Variants in UMODL1 observed in about 807,000 individuals in gnomAD.
UMODL1 encodes uromodulin-like 1.
UMODL1 carries 128 observed loss-of-function variants against 136.3 expected under a neutral mutation model. The observed-to-expected ratio is 0.94, with a 90% CI of 0.81 to 1.09. The LOEUF (loss-of-function observed/expected upper bound fraction) is 1.09. Ranked by LOEUF, UMODL1 falls within the 50% of genes least tolerant of loss-of-function variation. The pLI is 0.00. For synonymous variants in UMODL1, 721 were observed against 720.0 expected (o/e 1.00, Z -0.02); for missense variants, 1,766 against 1,725.6 (o/e 1.02, Z -0.41).
intron 2 of UMODL1, among the ~76,000 whole-genome samples, chr21:42,080,083 C>T (rs1180650142): frequency 7.2e-5 from 11 of 152,216 alleles, no homozygotes; most frequent in Admixed American, 5.2e-4. Flanking sequence ...GGTGTGAAGG[C>T]GCCTGTGGTG....
At chr21:42,125,375 G>A (rs1321772700) in intron 17 of UMODL1, among the ~76,000 whole-genome samples, 1 of 152,090 alleles carries the variant, frequency 6.6e-6, no homozygotes, top group East Asian at 1.9e-4. Context: ...GGATTCACGT[G>A]GACGCGTCGG....
chr21:42,111,538 C>T lies in UMODL1; in HGVS notation c.1932C>T (p.Ser644=). 7 of 1,614,086 alleles carry T rather than the reference C, an allele frequency of 4.3e-6. No individual in the cohort carries two copies. The highest frequency in any genetic ancestry group is 5.9e-6 in the Non-Finnish European group (7 of 1,179,982). The change falls in exon 12 of 23, where the codon TCC becomes TCT. Residue 644 remains serine, a synonymous_variant. Transcript: ENST00000408910. ...LQGNSIMEPP[S]WPSPTEDPTG... ...GAAACTCCATCATGGAGCCACCCTC[C>T]TGGCCTTCCCCTACTGAGGACCCCA... is the stretch of plus-strand genomic sequence containing the variant.
rs2067057458 is a variant in UMODL1, at chr21:42,126,505, C to T, written c.3293+15C>T. The T allele has an allele frequency of 5.6e-6, 9 of 1,614,080 alleles. No individual in the cohort carries two copies. In the South Asian group the frequency reaches 9.9e-5, roughly 18 times the overall value. ...CTGGAGTGGGGGTAAGGGAGAAATG[C>T]CCCGGCTGCCCCACAGCCACGTGCC... On this transcript the variant is annotated intron_variant, in intron 18 of 22. Transcript: ENST00000408910.
At chr21:42,121,551 G>A (rs918161074) in intron 16 of UMODL1, among the ~76,000 whole-genome samples, 6 of 152,204 alleles carry the variant, frequency 3.9e-5, no homozygotes, top group African/African-American at 4.8e-5. Context: ...CTGAGCGACC[G>A]TCTTGTGAAA....
In UMODL1 at chr21:42,123,214, G is replaced by C; in HGVS notation, c.3147+64G>C. Reference sequence around the variant, plus strand: ...GCGCAAGGGGCTCTAGGTTACATGGGCCTCGATGTGGGAGGGCCAGGCAAG... The same window carrying C: ...GCGCAAGGGGCTCTAGGTTACATGGCCCTCGATGTGGGAGGGCCAGGCAAG... On this transcript the variant is annotated intron_variant, in intron 17 of 22. Transcript: ENST00000408910. The surrounding 1 kb of genome is among the most constrained non-coding windows in gnomAD (Gnocchi z 4.4). 6.6e-7 allele frequency: 1 copy of C among 1,516,906 alleles called. No individual in the cohort carries two copies. Among genetic ancestry groups the C allele is most frequent in the Non-Finnish European group, 8.9e-7 (1 of 1,123,364 alleles). 94.0% of individuals were successfully genotyped at this position (1,516,906 alleles called of 1,614,324 possible).
At chr21:42,083,382 GGAC>G (rs961248871) in intron 2 of UMODL1, among the ~76,000 whole-genome samples, 121 of 152,256 alleles carry the variant, frequency 7.9e-4, no homozygotes, top group African/African-American at 2.8e-3. Context: ...CACATCCTGT[GGAC>G]GCCCCCACCT....
At chr21:42,101,148 T>G (rs1019075500) in intron 7 of UMODL1, among the ~76,000 whole-genome samples, 18 of 151,772 alleles carry the variant, frequency 1.2e-4, no homozygotes, top group Non-Finnish European at 1.6e-4. Flanking sequence ...TTAAAGGCCT[T>G]GTCTAATTCC....
intron 20 of UMODL1, among the ~76,000 whole-genome samples, chr21:42,129,358 C>T (rs140678028): frequency 6.6e-6 from 1 of 152,124 alleles, no homozygotes; most frequent in South Asian, 2.1e-4. Flanking sequence ...GCTGCAGCAA[C>T]CTTTGGAGAA....
Position 42,127,111 on chromosome 21 carries a change from C to T in UMODL1, c.3399C>T (p.Ala1133=). 1 of 1,614,142 alleles carries T rather than the reference C, an allele frequency of 6.2e-7. No individual in the cohort carries two copies. The highest frequency in any genetic ancestry group is 8.5e-7 in the Non-Finnish European group (1 of 1,180,026). Residue 1133 remains alanine (A), a synonymous_variant, in exon 19 of 23, where the codon GCC becomes GCT. Transcript: ENST00000408910. ...SPIPQNYSVS[A]SDDVRIEVGL... is the part of the protein sequence containing the mutation. ...TACCTCAGAATTATAGCGTGTCTGC[C>T]AGTGACGATGTCAGGATCGAAGTGG...
chr21:42,066,894 G>A (rs1194351158), upstream of UMODL1, among the ~76,000 whole-genome samples: 2 of 152,120 alleles, frequency 1.3e-5, no homozygotes, highest in Non-Finnish European at 2.9e-5. Context: ...CTGGCTTAAC[G>A]GTTATTCAAT....
At chr21:42,127,497 C>A (rs911633589) in intron 19 of UMODL1, among the ~76,000 whole-genome samples, 175 bp from the exon 20 acceptor site, 4 of 152,208 alleles carry the variant, frequency 2.6e-5, no homozygotes, top group African/African-American at 9.6e-5. Context: ...GATTTCCAGG[C>A]GAGTGCTGTC....
intron 13 of UMODL1, among the ~76,000 whole-genome samples, 171 bp downstream of exon 13, chr21:42,114,001 A>G (rs1255838759): frequency 6.6e-6 from 1 of 152,260 alleles, no homozygotes; most frequent in African/African-American, 2.4e-5. Flanking sequence ...ACGGCCAGAC[A>G]GGAGGTGGCT....
At chr21:42,101,477 G>C (rs950909165) in intron 7 of UMODL1, among the ~76,000 whole-genome samples, 2 of 152,204 alleles carry the variant, frequency 1.3e-5, no homozygotes, top group East Asian at 1.9e-4. Flanking sequence ...GAGAGAGCCA[G>C]GGTGGGGCAC....
chr21:42,127,597 G>A (rs1180999678), intron 19 of UMODL1, 75 bp from the exon 20 acceptor site: 21 of 1,473,822 alleles, frequency 1.4e-5, no homozygotes, highest in Middle Eastern at 3.8e-4. Context: ...AGATGTAGTC[G>A]TGAGTAAACT....
Position 42,085,453 on chromosome 21 carries a change from G to A in UMODL1, c.603+41G>A, listed in dbSNP as rs746337312. 1.9e-6 allele frequency: 3 copies of A among 1,612,612 alleles called. No homozygotes were observed. Among genetic ancestry groups the A allele is most frequent in the South Asian group, 1.1e-5 (1 of 91,038 alleles). On this transcript the variant is annotated intron_variant, in intron 4 of 22. Transcript: ENST00000408910. The surrounding 1 kb of genome is among the most constrained non-coding windows in gnomAD (Gnocchi z 4.5). ...GGGGGCTGCCTGCACCCTCCTTGTG[G>A]CAGCTGCTCAGGCAGACCCAGGTAT... is the stretch of plus-strand genomic sequence containing the variant.
In UMODL1 at chr21:42,115,931, T is replaced by C. The variant is rs201481034; in HGVS notation, c.2421T>C (p.Phe807=). Residue 807 remains phenylalanine, a synonymous_variant, in exon 14 of 23, where the codon TTT becomes TTC. Transcript: ENST00000408910. ...AAAATGTCAGGTACTCAGAATCCTT[T>C]CGCAACGCAAGCAGCCAGGAGTATC... The part of the protein sequence containing the change: ...RIKNVRYSES[F]RNASSQEYRD... The C allele has an allele frequency of 5.0e-5, 81 of 1,614,078 alleles. No homozygotes were observed. The Middle Eastern group carries it at 8.2e-4, about 16-fold the overall frequency.
chr21:42,081,208 G>T (rs58607665), intron 2 of UMODL1, among the ~76,000 whole-genome samples: 19,138 of 152,112 alleles, frequency 0.13, 1,253 homozygotes, highest in South Asian at 0.22. Flanking sequence ...ATGACCAGGG[G>T]CCCTTTGGTG....
At chr21:42,092,756 C>T (rs1459864226) in intron 6 of UMODL1, among the ~76,000 whole-genome samples, 1 of 152,158 alleles carries the variant, frequency 6.6e-6, no homozygotes, top group African/African-American at 2.4e-5. Context: ...GGCAGTTGCC[C>T]GCACTTCACG....
At position 42,109,551 on chromosome 21, in the gene UMODL1, C is replaced by G; in HGVS notation, c.1520-11C>G. The G allele has an allele frequency of 6.2e-7, 1 of 1,609,758 alleles. No homozygotes were observed. Among genetic ancestry groups the G allele is most frequent in the Admixed American group, 1.7e-5 (1 of 60,022 alleles). On this transcript the variant is annotated splice_polypyrimidine_tract_variant and intron_variant, in intron 9 of 22. Coordinates refer to ENST00000408910, the MANE Select transcript of UMODL1 (RefSeq NM_001004416.3). ...TTTCTCATGGGTTTTGATTGTGTCT[C>G]CCCCTGGCAGACTGGGACGAGTGTG...
Sources: gnomAD v4.1 joint callset for allele counts (sites outside exome capture counted in the v4.1 genomes callset) on GRCh38, gnomAD v4.1.1 for gene constraint, Gnocchi (gnomAD v3.1) non-coding constraint, MANE v1.5 for transcripts, NCBI Gene and HGNC (gene_info 2026-07-23, HGNC 2026-07-21) for gene names.